ABI3BP: variants seen among roughly 807,000 people sequenced by gnomAD.
The protein encoded by ABI3BP is ABI family member 3 binding protein, also known as target of Nesh-SH3.
A neutral mutation model predicts 268.6 loss-of-function variants in ABI3BP; 216 were observed. The observed-to-expected ratio is 0.80, with a 90% CI of 0.72 to 0.90. The LOEUF is 0.90. ABI3BP is among the 40% of genes least tolerant of loss of function. The pLI, the probability that ABI3BP is intolerant of heterozygous loss-of-function variation, is 0.00. For synonymous variants in ABI3BP, 730 were observed against 730.0 expected (o/e 1.00, Z 0.00); for missense variants, 2,090 against 2,182.4 (o/e 0.96, Z 0.84).
chr3:100,951,964 T>C (rs1038325706), intron 1 of ABI3BP, among the ~76,000 whole-genome samples: 2 of 150,052 alleles, frequency 1.3e-5, no homozygotes, highest in African/African-American at 5.1e-5. Flanking sequence ...AAGTCAATGT[T>C]TTCCAGCAAT....
rs72930646 is a variant in ABI3BP, at chr3:100,764,362, G to C, written c.4850+1479C>G. 5.2e-3 allele frequency among the ~76,000 whole-genome samples: 788 copies of C among 152,306 alleles called. 9 individuals are homozygous for C. Among genetic ancestry groups the C allele is most frequent in the African/African-American group, 0.018 (750 of 41,560 alleles). On this transcript the variant is annotated intron_variant, in intron 63 of 67. Coordinates refer to ENST00000471714, the MANE Select transcript of ABI3BP (RefSeq NM_001375547.2). ...CATTAACTGCCTCTCCTCTAGCCTT[G>C]AGTTCAAGGGCAGCCACCATGTTTA... is the stretch of plus-strand genomic sequence containing the variant.
chr3:100,941,131 T>C (rs527727313), intron 1 of ABI3BP, among the ~76,000 whole-genome samples: 9 of 151,548 alleles, frequency 5.9e-5, no homozygotes, highest in South Asian at 2.1e-4. Context: ...TTTAAAAAAA[T>C]CAAAACTTTA....
At chr3:100,777,144 A>G (rs1210671653) in intron 59 of ABI3BP, among the ~76,000 whole-genome samples, 2 of 152,230 alleles carry the variant, frequency 1.3e-5, no homozygotes, top group Non-Finnish European at 2.9e-5. Flanking sequence ...TACAAGCTCC[A>G]TCACAACAGC....
chr3:100,902,417 G>A (rs141542922), intron 3 of ABI3BP, among the ~76,000 whole-genome samples: 148 of 152,228 alleles, frequency 9.7e-4, no homozygotes, highest in African/African-American at 3.4e-3. Flanking sequence ...TGCAAGTGGT[G>A]GCACCAGGAG....
Position 100,816,744 on chromosome 3 carries a change from C to T in ABI3BP, c.3173G>A (p.Arg1058His), listed in dbSNP as rs1330871533. The T allele has an allele frequency of 2.1e-5, 32 of 1,535,576 alleles. No individual in the cohort carries two copies. The highest frequency in any genetic ancestry group is 2.0e-4 in the East Asian group (8 of 40,920). Residue 1058 changes from arginine to histidine, a missense_variant, in exon 43 of 68, where the codon CGT becomes CAT. Coordinates refer to ENST00000471714, the MANE Select transcript of ABI3BP (RefSeq NM_001375547.2). ...TGTAGTTTTGGGTCTGGGACGGGGA[C>T]GACGTGTCCGTTGTGTTTTAGGAGC... ...TLAPKTQRTR[R>H]PRPRPKTTSS...
At chr3:100,838,993 A>C (rs2098651566) in intron 24 of ABI3BP, among the ~76,000 whole-genome samples, 1 of 152,224 alleles carries the variant, frequency 6.6e-6, no homozygotes, top group South Asian at 2.1e-4. Flanking sequence ...TAAAAACAAT[A>C]AAACCAGTTT....
At chr3:100,858,397 A>G (rs2098961925) in intron 14 of ABI3BP, among the ~76,000 whole-genome samples, 1 of 152,216 alleles carries the variant, frequency 6.6e-6, no homozygotes, top group Non-Finnish European at 1.5e-5. Context: ...CACATCTCAG[A>G]TTTCCTGGGA....
chr3:100,893,477 T>A (rs2045733138), intron 4 of ABI3BP, among the ~76,000 whole-genome samples: 1 of 151,632 alleles, frequency 6.6e-6, no homozygotes, highest in South Asian at 2.1e-4. Context: ...TAAATAAAAA[T>A]GTCAAAGAAA....
At chr3:100,886,473 A>G in intron 4 of ABI3BP, 150 bp from the exon 5 acceptor site, 2 of 527,812 alleles carry the variant, frequency 3.8e-6, no homozygotes, top group Non-Finnish European at 6.0e-6. Context: ...TGCAGAGAAC[A>G]TGAAAAAAAT....
intron 64 of ABI3BP, among the ~76,000 whole-genome samples, chr3:100,754,326 C>T (rs2095504156): frequency 6.6e-6 from 1 of 152,156 alleles, no homozygotes; most frequent in Admixed American, 6.5e-5. Flanking sequence ...TGGATGTACT[C>T]ACTGGTATTT....
intron 66 of ABI3BP, 71 bp downstream of exon 66, chr3:100,752,716 C>A: frequency 6.6e-7 from 1 of 1,523,614 alleles, no homozygotes; most frequent in Non-Finnish European, 8.8e-7. Context: ...TAAGAAAAGG[C>A]CAAGTTGTAC....
intron 4 of ABI3BP, among the ~76,000 whole-genome samples, chr3:100,893,951 G>A (rs2045960178): frequency 6.6e-6 from 1 of 152,132 alleles, no homozygotes; most frequent in African/African-American, 2.4e-5. Flanking sequence ...TTCAGGATGA[G>A]GAAAGAGTGA....
In ABI3BP at chr3:100,803,271, C is replaced by T. The variant is rs539193577; in HGVS notation, c.3757+1521G>A. Among the ~76,000 whole-genome samples, 87 of 143,492 alleles carry T rather than the reference C, an allele frequency of 6.1e-4. 4 individuals are homozygous for T. The highest frequency in any genetic ancestry group is 2.0e-3 in the African/African-American group (81 of 40,630). 94.1% of individuals were successfully genotyped at this position (143,492 alleles called of 152,430 possible). ...TGTGTTGTTACAGGGATCAAGATCA[C>T]GGGTTAGAGTTTGTATGAAAAGCAA... On this transcript the variant is annotated intron_variant, in intron 51 of 67. Coordinates refer to ENST00000471714, the MANE Select transcript of ABI3BP (RefSeq NM_001375547.2).
At position 100,770,812 on chromosome 3, in the gene ABI3BP, C is replaced by A. The variant is rs758800661; in HGVS notation, c.4672G>T (p.Val1558Phe). The change falls in exon 62 of 68, where the codon GTC (valine) becomes TTC (phenylalanine). Residue 1558 changes from valine to phenylalanine, a missense_variant. Physicochemically the swap from Val to Phe is conservative, Grantham distance 50. Coordinates refer to ENST00000471714, the MANE Select transcript of ABI3BP (RefSeq NM_001375547.2). Reference protein sequence around the residue: ...PQNPPTNLTVVTVEGCPSFVI... With the variant: ...PQNPPTNLTVFTVEGCPSFVI... ...AATGAGGGGCACCCTTCCACGGTGACCACAGTGAGGTTGGTGGGTGGGTTC... is the reference window on the plus strand; with the variant it reads ...AATGAGGGGCACCCTTCCACGGTGAACACAGTGAGGTTGGTGGGTGGGTTC... The A allele has an allele frequency of 1.9e-6, 3 of 1,593,238 alleles. No individual in the cohort carries two copies. Among genetic ancestry groups the A allele is most frequent in the Non-Finnish European group, 2.6e-6 (3 of 1,170,324 alleles).
At chr3:100,889,063 A>G (rs1365876837) in intron 4 of ABI3BP, among the ~76,000 whole-genome samples, 2 of 152,104 alleles carry the variant, frequency 1.3e-5, no homozygotes, top group African/African-American at 2.4e-5. Context: ...ATATTGATTT[A>G]AGCCATTAGG....
chr3:100,864,527 G>T (rs2099030821), intron 11 of ABI3BP: 1 of 335,818 alleles, frequency 3.0e-6, no homozygotes, highest in South Asian at 5.7e-5. Flanking sequence ...TCTCCCCCAA[G>T]ATTTGGGAGT....
At chr3:100,899,670 G>C (rs975725525) in intron 3 of ABI3BP, among the ~76,000 whole-genome samples, 1 of 152,148 alleles carries the variant, frequency 6.6e-6, no homozygotes, top group Non-Finnish European at 1.5e-5. Context: ...AAAACAGGAA[G>C]AACCTCAACC....
intron 43 of ABI3BP, 47 bp from the exon 44 acceptor site, chr3:100,816,018 T>TA (rs756307252): frequency 3.2e-5 from 44 of 1,359,122 alleles, no homozygotes; most frequent in Admixed American, 5.9e-5. Flanking sequence ...AAAGACTTTT[T>TA]AAAAAAAATC....
chr3:100,775,836 C>G (rs1375854037), intron 59 of ABI3BP, among the ~76,000 whole-genome samples: 2 of 152,010 alleles, frequency 1.3e-5, no homozygotes, highest in Non-Finnish European at 2.9e-5. Context: ...AGTTGAATAC[C>G]ATGGATTTGG....
Sources: gnomAD v4.1 joint callset for allele counts (sites outside exome capture counted in the v4.1 genomes callset) on GRCh38, gnomAD v4.1.1 for gene constraint, MANE v1.5 for transcripts, NCBI Gene and HGNC (gene_info 2026-07-23, HGNC 2026-07-21) for gene names.